The following GALNTL6 variants were observed in gnomAD, a reference collection of about 807,000 sequenced individuals.
The protein encoded by GALNTL6 is polypeptide N-acetylgalactosaminyltransferase-like 6.
A neutral mutation model predicts 73.7 loss-of-function variants in GALNTL6; 46 were observed. That is an observed-to-expected ratio of 0.62 (90% CI 0.49 to 0.80). The LOEUF (loss-of-function observed/expected upper bound fraction) is 0.80. Among genes scored for constraint, GALNTL6 ranks in the 30% least tolerant of loss-of-function variants. The probability of loss-of-function intolerance (pLI) is 0.00; values close to 1 mark genes in which losing one functional copy is unlikely to be tolerated. For synonymous variants in GALNTL6, 259 were observed against 263.7 expected, an observed-to-expected ratio of 0.98 and a Z score of 0.17; for missense variants, 604 against 755.0, an observed-to-expected ratio of 0.80 and a Z score of 2.34.
intron 5 of GALNTL6, among the ~76,000 whole-genome samples, chr4:172,498,610 A>G (rs536919711): frequency 3.4e-4 from 51 of 152,170 alleles, no homozygotes; most frequent in Non-Finnish European, 6.2e-4. Flanking sequence ...CGAGTTTTAA[A>G]TCTCCTAAGC....
At chr4:171,904,749 G>A (rs1287010915) in intron 2 of GALNTL6, among the ~76,000 whole-genome samples, 2 of 152,134 alleles carry the variant, frequency 1.3e-5, no homozygotes, top group African/African-American at 2.4e-5. Flanking sequence ...AGAGAGAAAG[G>A]TCGGGTTACC....
intron 3 of GALNTL6, among the ~76,000 whole-genome samples, chr4:172,291,069 A>G (rs375804469): frequency 1.2e-4 from 19 of 152,184 alleles, no homozygotes; most frequent in East Asian, 1.2e-3. Context: ...GAAGCTTATT[A>G]TTCAAAACAT....
At chr4:172,059,225 T>C (rs1393165021) in intron 2 of GALNTL6, among the ~76,000 whole-genome samples, 1 of 152,190 alleles carries the variant, frequency 6.6e-6, no homozygotes, top group Non-Finnish European at 1.5e-5. Context: ...CTGTTTATTC[T>C]GATTCAGACA....
intron 5 of GALNTL6, among the ~76,000 whole-genome samples, chr4:172,369,939 G>A (rs377281307): frequency 2.6e-5 from 4 of 152,190 alleles, no homozygotes; most frequent in Admixed American, 6.5e-5. Flanking sequence ...GCAGGCTGAC[G>A]GGCTCCTCAA....
chr4:172,308,072 C>T (rs1452313448), intron 3 of GALNTL6, among the ~76,000 whole-genome samples: 1 of 78,394 alleles, frequency 1.3e-5, no homozygotes, highest in Non-Finnish European at 2.4e-5. Context: ...TGATTTGATT[C>T]TCAGCTTAGT....
chr4:172,348,763 A>G lies in GALNTL6; in HGVS notation c.553+74A>G, dbSNP rs968180414. ...AATCATTAAGGACTTTTTAAAAAAG[A>G]CAATGGGAGCTTCTTTCTGATTCCA... On this transcript the variant is annotated intron_variant, in intron 5 of 12. Coordinates refer to ENST00000506823, the MANE Select transcript of GALNTL6 (RefSeq NM_001034845.3). 1.1e-5 allele frequency: 11 copies of G among 967,538 alleles called. No homozygotes were observed. In the African/African-American group the frequency reaches 1.3e-4, roughly 12 times the overall value. 59.9% of individuals were successfully genotyped at this position (967,538 alleles called of 1,614,324 possible).
rs935681474 is a variant in GALNTL6, at chr4:172,876,647, T to C, written c.924-6143T>C. Among the ~76,000 whole-genome samples, 3 of 152,120 alleles carry C rather than the reference T, an allele frequency of 2.0e-5. No individual in the cohort carries two copies. The East Asian group carries it at 5.8e-4, about 29-fold the overall frequency. ...ATACCAGGAGAATAGTCCTCTCTTA[T>C]CCCCATAGAACCTCGTGACACCATA... On this transcript the variant is annotated intron_variant, in intron 7 of 12. Transcript: ENST00000506823.
chr4:172,655,069 A>G (rs987688368), intron 5 of GALNTL6, among the ~76,000 whole-genome samples: 2 of 152,210 alleles, frequency 1.3e-5, no homozygotes, highest in African/African-American at 4.8e-5. Flanking sequence ...ATGAGGATCA[A>G]TACAATTCTA....
chr4:172,770,763 T>A (rs1479462140), intron 5 of GALNTL6, among the ~76,000 whole-genome samples: 1 of 152,198 alleles, frequency 6.6e-6, no homozygotes, highest in Non-Finnish European at 1.5e-5. Context: ...GTCCCTGGCA[T>A]TTCTAAAGTA....
chr4:172,633,372 GAC>G (rs1739500413), intron 5 of GALNTL6, among the ~76,000 whole-genome samples: 1 of 152,210 alleles, frequency 6.6e-6, no homozygotes, highest in Non-Finnish European at 1.5e-5. Context: ...TGGAGTCAAA[GAC>G]AATCATTTTG....
intron 5 of GALNTL6, among the ~76,000 whole-genome samples, chr4:172,382,044 A>G (rs960212904): frequency 2.0e-5 from 3 of 152,210 alleles, no homozygotes; most frequent in Non-Finnish European, 4.4e-5. Context: ...ATCTTGGCTC[A>G]CTGCAACTTC....
At chr4:172,259,762 T>A (rs574969458) in intron 3 of GALNTL6, among the ~76,000 whole-genome samples, 23 of 151,838 alleles carry the variant, frequency 1.5e-4, no homozygotes, top group African/African-American at 5.1e-4. Flanking sequence ...AAGTCTTTGA[T>A]CCATCTTGAG....
At chr4:172,650,047 C>T (rs1740406500) in intron 5 of GALNTL6, among the ~76,000 whole-genome samples, 1 of 152,128 alleles carries the variant, frequency 6.6e-6, no homozygotes, top group African/African-American at 2.4e-5. Flanking sequence ...GTAGAAATAT[C>T]CCCAAAATTC....
intron 3 of GALNTL6, among the ~76,000 whole-genome samples, chr4:172,240,324 T>C (rs7697793): frequency 0.039 from 5,916 of 151,912 alleles, 371 homozygotes; most frequent in African/African-American, 0.13. Flanking sequence ...CCTGGGTTCA[T>C]GCCATTCTCC....
chr4:172,956,290 A>G (rs1483982444), intron 10 of GALNTL6, among the ~76,000 whole-genome samples: 1 of 152,148 alleles, frequency 6.6e-6, no homozygotes, highest in African/African-American at 2.4e-5. Flanking sequence ...AACATTTGTC[A>G]TATAGAATTA....
At chr4:172,412,786 C>G (rs1744493122) in intron 5 of GALNTL6, among the ~76,000 whole-genome samples, 1 of 152,056 alleles carries the variant, frequency 6.6e-6, no homozygotes, top group Admixed American at 6.6e-5. Flanking sequence ...TTTTTAACAA[C>G]AAGTAACAAA....
chr4:172,944,247 T>C (rs1749050351), intron 9 of GALNTL6, among the ~76,000 whole-genome samples: 1 of 152,180 alleles, frequency 6.6e-6, no homozygotes, highest in Admixed American at 6.5e-5. Flanking sequence ...GTATCCATAA[T>C]ACATAAAGAA....
chr4:172,444,632 C>T (rs1423944789), intron 5 of GALNTL6, among the ~76,000 whole-genome samples: 2 of 151,936 alleles, frequency 1.3e-5, no homozygotes, highest in African/African-American at 2.4e-5. Context: ...TGATATGTCT[C>T]GTAGGTTTCA....
In GALNTL6 at chr4:172,724,372, G is replaced by A. The variant is rs77134347; in HGVS notation, c.554-84989G>A. Among the ~76,000 whole-genome samples, 49 of 152,140 alleles carry A rather than the reference G, an allele frequency of 3.2e-4. 1 individual carries two copies. Among genetic ancestry groups the A allele is most frequent in the Admixed American group, 5.9e-4 (9 of 15,284 alleles). The stretch of plus-strand genomic sequence containing the variant: ...TTAAACAAGATACGCTTTTTCTCAC[G>A]TAACATAAAATCTGGAAGTAAGGAA... On this transcript the variant is annotated intron_variant, in intron 5 of 12. Coordinates refer to ENST00000506823, the MANE Select transcript of GALNTL6 (RefSeq NM_001034845.3).
Sources: gnomAD v4.1 joint callset for allele counts (sites outside exome capture counted in the v4.1 genomes callset) on GRCh38, gnomAD v4.1.1 for gene constraint, MANE v1.5 for transcripts, NCBI Gene and HGNC (gene_info 2026-07-23, HGNC 2026-07-21) for gene names.